Variants in SGCZ observed in about 807,000 individuals in gnomAD.
SGCZ encodes the protein zeta-sarcoglycan.
Under a neutral mutation model 41.3 loss-of-function variants are expected in SGCZ, and 40 were observed. The ratio of observed to expected loss-of-function variants is 0.97; its 90% confidence interval spans 0.75 to 1.26. The LOEUF (loss-of-function observed/expected upper bound fraction) is 1.26. SGCZ is among the 50% of genes most tolerant of loss of function. The probability of loss-of-function intolerance (pLI) is 0.00; values close to 1 mark genes in which losing one functional copy is unlikely to be tolerated. For synonymous variants in SGCZ, 206 were observed against 137.5 expected, an observed-to-expected ratio of 1.50 and a Z score of -3.49; for missense variants, 552 against 369.8, an observed-to-expected ratio of 1.49 and a Z score of -4.04.
chr8:14,659,453 G>T (rs1180800828), intron 1 of SGCZ, among the ~76,000 whole-genome samples: 1 of 151,904 alleles, frequency 6.6e-6, no homozygotes, highest in African/African-American at 2.4e-5. Flanking sequence ...TTTTTACAGG[G>T]TATGATACAA....
rs190082587 is a variant in SGCZ at position 14,951,870 on chromosome 8, C to G, written c.39+285715G>C. 2.1e-3 allele frequency among the ~76,000 whole-genome samples: 318 copies of G among 152,168 alleles called. 1 individual carries two copies. Among genetic ancestry groups the G allele is most frequent in the African/African-American group, 7.1e-3 (297 of 41,554 alleles). ...CTTTTTTATATTAACATTTTCAAAT[C>G]TGTCCTAAAAAGGTAACTATTTTAT... On this transcript the variant is annotated intron_variant, in intron 1 of 7. Coordinates refer to ENST00000382080, the MANE Select transcript of SGCZ (RefSeq NM_139167.4).
intron 1 of SGCZ, among the ~76,000 whole-genome samples, chr8:14,886,025 AT>A (rs1248766104): frequency 8.5e-5 from 10 of 118,290 alleles, no homozygotes; most frequent in African/African-American, 2.5e-4. Flanking sequence ...ATATATATAT[AT>A]ATATATATAA....
At chr8:15,102,192 T>C (rs182829693) in intron 1 of SGCZ, among the ~76,000 whole-genome samples, 2 of 152,300 alleles carry the variant, frequency 1.3e-5, no homozygotes. Flanking sequence ...CAAACTGTGG[T>C]ATATCCATAC....
intron 2 of SGCZ, among the ~76,000 whole-genome samples, chr8:14,492,702 C>A (rs1276510598): frequency 3.9e-5 from 6 of 152,136 alleles, no homozygotes; most frequent in Non-Finnish European, 7.3e-5. Context: ...CCTCAAGGCT[C>A]AACCTTCCTC....
chr8:14,571,795 T>C (rs1337286377), intron 1 of SGCZ, among the ~76,000 whole-genome samples: 2 of 152,196 alleles, frequency 1.3e-5, no homozygotes, highest in African/African-American at 4.8e-5. Context: ...TGAAGGAGTT[T>C]GACCACATGC....
intron 2 of SGCZ, among the ~76,000 whole-genome samples, chr8:14,490,098 C>T (rs780428497): frequency 6.6e-6 from 1 of 152,048 alleles, no homozygotes; most frequent in African/African-American, 2.4e-5. Flanking sequence ...AAACTCCAAA[C>T]CTTGTGATCC....
At chr8:14,442,223 G>T (rs906081016) in intron 2 of SGCZ, among the ~76,000 whole-genome samples, 10 of 152,148 alleles carry the variant, frequency 6.6e-5, no homozygotes, top group Non-Finnish European at 7.3e-5. Flanking sequence ...GGTACCTGGT[G>T]GCAGGTAATT....
chr8:14,934,301 T>A (rs1480698), intron 1 of SGCZ, among the ~76,000 whole-genome samples: 28,634 of 151,886 alleles, frequency 0.19, 3,462 homozygotes, highest in South Asian at 0.28. Flanking sequence ...GACTACTGTA[T>A]ATAAAATATA....
intron 1 of SGCZ, among the ~76,000 whole-genome samples, chr8:14,941,342 T>C (rs1800269002): frequency 6.6e-6 from 1 of 152,114 alleles, no homozygotes; most frequent in Admixed American, 6.6e-5. Flanking sequence ...AAAACCAAAA[T>C]GCAGTGTCAA....
chr8:14,255,256 T>C (rs889467707), intron 3 of SGCZ, among the ~76,000 whole-genome samples: 7 of 152,170 alleles, frequency 4.6e-5, no homozygotes, highest in East Asian at 1.9e-4. Flanking sequence ...AGTTACCATA[T>C]AGATAATTTC....
At chr8:15,121,420 G>A (rs953823116) in intron 1 of SGCZ, among the ~76,000 whole-genome samples, 4 of 152,114 alleles carry the variant, frequency 2.6e-5, no homozygotes, top group Middle Eastern at 3.2e-3. Context: ...GCTACAAAAT[G>A]TGTCATATAG....
chr8:14,406,506 C>A (rs890180887), intron 2 of SGCZ, among the ~76,000 whole-genome samples: 4 of 152,110 alleles, frequency 2.6e-5, no homozygotes, highest in South Asian at 2.1e-4. Context: ...ATAGTGGGCA[C>A]TGAAAACAAA....
At chr8:14,696,301 C>G (rs1563208470) in intron 1 of SGCZ, among the ~76,000 whole-genome samples, 1 of 152,012 alleles carries the variant, frequency 6.6e-6, no homozygotes, top group Non-Finnish European at 1.5e-5. Context: ...CACATTGAAG[C>G]GGTATCAGGA....
intron 1 of SGCZ, among the ~76,000 whole-genome samples, chr8:15,207,447 T>C (rs192750812): frequency 6.0e-4 from 91 of 151,956 alleles, no homozygotes; most frequent in African/African-American, 2.0e-3. Context: ...GACAAAAGAA[T>C]AATCAAAGAA....
intron 3 of SGCZ, among the ~76,000 whole-genome samples, chr8:14,314,788 T>A (rs1801661003): frequency 6.6e-6 from 1 of 152,148 alleles, no homozygotes; most frequent in African/African-American, 2.4e-5. Flanking sequence ...CAGTTAAAGA[T>A]GTCTGGCTCT....
intron 5 of SGCZ, among the ~76,000 whole-genome samples, chr8:14,126,503 G>C (rs1447579006): frequency 6.6e-6 from 1 of 152,130 alleles, no homozygotes; most frequent in African/African-American, 2.4e-5. Flanking sequence ...TGCTAGAGCA[G>C]CTGTGGAGAA....
At chr8:14,362,696 C>G (rs1163704534) in intron 2 of SGCZ, among the ~76,000 whole-genome samples, 4 of 152,148 alleles carry the variant, frequency 2.6e-5, no homozygotes, top group African/African-American at 9.7e-5. Flanking sequence ...CCTCTGCGGG[C>G]TGCACCCACT....
intron 3 of SGCZ, among the ~76,000 whole-genome samples, chr8:14,261,103 A>T (rs919818237): frequency 7.4e-5 from 2 of 27,114 alleles, no homozygotes; most frequent in African/African-American, 1.1e-4. Flanking sequence ...ATAATAAAAT[A>T]AAAAAAAAGA....
intron 1 of SGCZ, among the ~76,000 whole-genome samples, chr8:14,571,843 G>C (rs980391512): frequency 6.6e-6 from 1 of 152,206 alleles, no homozygotes; most frequent in African/African-American, 2.4e-5. Flanking sequence ...GTCAACTGCT[G>C]GTTCTGAGAC....
Sources: allele counts gnomAD v4.1 joint callset (sites outside exome capture counted in the v4.1 genomes callset), GRCh38; gene constraint gnomAD v4.1.1; transcripts MANE v1.5; gene names NCBI Gene and HGNC (gene_info 2026-07-23, HGNC 2026-07-21).